Variants in QTGAL observed in about 807,000 individuals in gnomAD.
The protein encoded by QTGAL is queuosine-tRNA galactosyltransferase.
chr17:83,013,867 C>T, the QTGAL span, among the ~76,000 whole-genome samples: 3 of 152,192 alleles, frequency 2.0e-5, no homozygotes, highest in East Asian at 1.9e-4. Context: ...TCTGAGGACA[C>T]AGTCACCTTC....
the QTGAL span, among the ~76,000 whole-genome samples, chr17:83,034,360 C>CAA: frequency 6.6e-6 from 1 of 152,222 alleles, no homozygotes; most frequent in Non-Finnish European, 1.5e-5. Flanking sequence ...CTCTGCTGTG[C>CAA]AATTTTACAT....
chr17:83,009,601 C>T, the QTGAL span, among the ~76,000 whole-genome samples: 3 of 152,294 alleles, frequency 2.0e-5, no homozygotes, highest in African/African-American at 4.8e-5. Context: ...CCCGTGGATT[C>T]GCCACAGAGG....
At chr17:83,036,901 A>G in the QTGAL span, among the ~76,000 whole-genome samples, 1 of 152,110 alleles carries the variant, frequency 6.6e-6, no homozygotes, top group Non-Finnish European at 1.5e-5. Context: ...AAGGAGTAAC[A>G]AGCAGAAATT....
chr17:83,039,706 C>T, the QTGAL span, among the ~76,000 whole-genome samples: 1 of 152,230 alleles, frequency 6.6e-6, no homozygotes, highest in African/African-American at 2.4e-5. Flanking sequence ...TGGGTGCTGA[C>T]TACCACGACC....
chr17:82,965,392 C>T, the QTGAL span, among the ~76,000 whole-genome samples: 1 of 152,212 alleles, frequency 6.6e-6, no homozygotes, highest in Non-Finnish European at 1.5e-5. Flanking sequence ...ATGCAGTAAC[C>T]TGGAGCCAGT....
chr17:83,050,731 G>C, the QTGAL span, among the ~76,000 whole-genome samples: 192 of 152,208 alleles, frequency 1.3e-3, no homozygotes, highest in Non-Finnish European at 2.2e-3. Context: ...GAAGGTGTTC[G>C]GGGCTTAAGG....
the QTGAL span, among the ~76,000 whole-genome samples, chr17:82,959,358 T>C: frequency 1.4e-5 from 2 of 146,620 alleles, no homozygotes; most frequent in East Asian, 2.0e-4. Context: ...GCAGTGTGTG[T>C]GCACGTGAGT....
chr17:83,042,015 T>A, the QTGAL span, among the ~76,000 whole-genome samples: 1 of 151,996 alleles, frequency 6.6e-6, no homozygotes, highest in African/African-American at 2.4e-5. Flanking sequence ...ACTATTCAGG[T>A]AAATATAAAA....
At chr17:82,956,682 G>A in the QTGAL span, 1 of 1,563,604 alleles carries the variant, frequency 6.4e-7, no homozygotes, top group East Asian at 2.4e-5. This position sits in a 1 kb window ranked among gnomAD's most constrained non-coding sequence, Gnocchi z 5.7. Flanking sequence ...ACGGCCAAGG[G>A]CCCCACACTC....
the QTGAL span, among the ~76,000 whole-genome samples, chr17:82,991,787 T>C: frequency 6.6e-6 from 1 of 152,184 alleles, no homozygotes; most frequent in Non-Finnish European, 1.5e-5. Context: ...AAAGTAGTTG[T>C]TCTGAGGAAA....
At chr17:82,962,554 C>T in the QTGAL span, among the ~76,000 whole-genome samples, 1 of 90,112 alleles carries the variant, frequency 1.1e-5, no homozygotes, top group African/African-American at 3.4e-5. Flanking sequence ...GACCCTCACA[C>T]GGGTGATTTA....
At chr17:83,031,791 G>A in the QTGAL span, among the ~76,000 whole-genome samples, 4 of 152,086 alleles carry the variant, frequency 2.6e-5, no homozygotes, top group Non-Finnish European at 5.9e-5. Flanking sequence ...AGTTGCCAAC[G>A]CTAGAGGTCA....
At chr17:82,992,881 T>C in the QTGAL span, among the ~76,000 whole-genome samples, 4 of 152,218 alleles carry the variant, frequency 2.6e-5, no homozygotes, top group Admixed American at 2.0e-4. Context: ...ATGCAAATAG[T>C]ATTAAGTTGT....
the QTGAL span, among the ~76,000 whole-genome samples, chr17:82,958,434 G>A: frequency 6.6e-6 from 1 of 152,348 alleles, no homozygotes; most frequent in African/African-American, 2.4e-5. Context: ...ACACTGGCTG[G>A]TGACGGGCCT....
the QTGAL span, among the ~76,000 whole-genome samples, chr17:82,983,504 T>C: frequency 6.6e-6 from 1 of 152,124 alleles, no homozygotes; most frequent in East Asian, 1.9e-4. Context: ...AGACACACAT[T>C]CCCAGCCCCA....
chr17:82,970,062 G>A, the QTGAL span, among the ~76,000 whole-genome samples: 3 of 152,208 alleles, frequency 2.0e-5, no homozygotes, highest in African/African-American at 7.2e-5. Flanking sequence ...CAGTTCTATG[G>A]GATAACTTCG....
the QTGAL span, among the ~76,000 whole-genome samples, chr17:83,037,198 C>T: frequency 6.6e-6 from 1 of 152,192 alleles, no homozygotes; most frequent in Admixed American, 6.5e-5. The surrounding 1 kb of genome is among the most constrained non-coding windows in gnomAD (Gnocchi z 5.2). Flanking sequence ...ATTTCGGCCA[C>T]ACCCGTGGCA....
the QTGAL span, chr17:83,005,545 A>G: frequency 1.4e-6 from 1 of 702,048 alleles, no homozygotes; most frequent in Non-Finnish European, 2.6e-6. This position sits in a 1 kb window ranked among gnomAD's most constrained non-coding sequence, Gnocchi z 5.6. Flanking sequence ...AATGGCCCAT[A>G]TGCAAGGTGA....
At chr17:83,015,377 C>T in the QTGAL span, among the ~76,000 whole-genome samples, 2 of 152,242 alleles carry the variant, frequency 1.3e-5, no homozygotes, top group Non-Finnish European at 2.9e-5. The surrounding 1 kb of genome is among the most constrained non-coding windows in gnomAD (Gnocchi z 4.4). Flanking sequence ...GACATGCTCA[C>T]GGCAGCTCAT....
Sources: allele counts gnomAD v4.1 joint callset (sites outside exome capture counted in the v4.1 genomes callset), GRCh38; gene constraint gnomAD v4.1.1; non-coding constraint Gnocchi (gnomAD v3.1); transcripts MANE v1.5; gene names NCBI Gene and HGNC (gene_info 2026-07-23, HGNC 2026-07-21).